The following ALPK2 variants were observed in gnomAD, a reference collection of about 807,000 sequenced individuals.
ALPK2 encodes the protein alpha kinase 2, also known as alpha-protein kinase 2.
A neutral mutation model predicts 163.1 loss-of-function variants in ALPK2; 127 were observed. That is an observed-to-expected ratio of 0.78 (90% confidence interval 0.67 to 0.90). The LOEUF is 0.90. ALPK2 is among the 40% of genes least tolerant of loss of function. The probability of loss-of-function intolerance (pLI) is 0.00; values close to 1 mark genes in which losing one functional copy is unlikely to be tolerated. For missense variants in ALPK2, 2,360 were observed against 2,589.6 expected (o/e 0.91, Z 1.92); for synonymous variants, 953 against 959.1 (o/e 0.99, Z 0.12).
rs1555673981 is a variant in ALPK2 at position 58,578,736 on chromosome 18, A to ACACACGCGCGCGCGCGCGCGCGTGCACG, written c.1962+77_1962+78insCGTGCACGCGCGCGCGCGCGCGCGTGTG. ...GTGAATGTGAAGTAAAGGAAGAGAC[A>ACACACGCGCGCGCGCGCGCGCGTGCACG]CACACACACACACACACACACACAC... On this transcript the variant is annotated intron_variant, in intron 4 of 12. Transcript: ENST00000361673. The ACACACGCGCGCGCGCGCGCGCGTGCACG allele has an allele frequency of 6.8e-4, 517 of 760,818 alleles. 5 individuals carry two copies. The African/African-American group carries it at 8.6e-3, about 13-fold the overall frequency. The allele number at this position is 760,818 out of a possible 1,614,324, so 47.1% of individuals were successfully genotyped here.
At chr18:58,595,673 T>C (rs1012497183) in intron 3 of ALPK2, among the ~76,000 whole-genome samples, 1 of 152,102 alleles carries the variant, frequency 6.6e-6, no homozygotes, top group African/African-American at 2.4e-5. Context: ...AAAACAGAAT[T>C]TTTTAGGGGT....
chr18:58,621,463 G>C (rs1217175933), intron 1 of ALPK2, among the ~76,000 whole-genome samples: 3 of 152,064 alleles, frequency 2.0e-5, no homozygotes, highest in Non-Finnish European at 4.4e-5. Flanking sequence ...AGTAGAGACA[G>C]GGTTTCACTG....
chr18:58,488,473 T>G, intron 12 of ALPK2, among the ~76,000 whole-genome samples: 1 of 134,194 alleles, frequency 7.5e-6, no homozygotes. Context: ...TGCTGGACAA[T>G]GTATTGGCTC....
intron 6 of ALPK2, chr18:58,528,795 T>C (rs1385049621): frequency 8.2e-6 from 3 of 367,486 alleles, no homozygotes; most frequent in Non-Finnish European, 5.1e-6. Flanking sequence ...AACCTCAGAC[T>C]AGAATATCAT....
chr18:58,519,810 G>A (rs2051540240), intron 8 of ALPK2, among the ~76,000 whole-genome samples: 1 of 152,176 alleles, frequency 6.6e-6, no homozygotes, highest in South Asian at 2.1e-4. Flanking sequence ...GCAGAAATCT[G>A]AAAGGACAGC....
At chr18:58,524,611 CTG>C (rs2051574453) in intron 6 of ALPK2, among the ~76,000 whole-genome samples, 1 of 152,154 alleles carries the variant, frequency 6.6e-6, no homozygotes, top group African/African-American at 2.4e-5. Flanking sequence ...AAAACTAAAA[CTG>C]GTGGTGGTGG....
At chr18:58,538,884 G>A (rs1419112382) in intron 4 of ALPK2, among the ~76,000 whole-genome samples, 1 of 151,870 alleles carries the variant, frequency 6.6e-6, no homozygotes, top group Non-Finnish European at 1.5e-5. Context: ...AAAGAGTCTG[G>A]CACCATCCCC....
chr18:58,591,507 G>T (rs1046830466), intron 3 of ALPK2, among the ~76,000 whole-genome samples: 1 of 152,156 alleles, frequency 6.6e-6, no homozygotes, highest in Non-Finnish European at 1.5e-5. Flanking sequence ...ATTAACAAGC[G>T]TGCCAGTTAT....
At chr18:58,498,869 T>G (rs1427481511) in intron 11 of ALPK2, among the ~76,000 whole-genome samples, 1 of 152,232 alleles carries the variant, frequency 6.6e-6, no homozygotes, top group African/African-American at 2.4e-5. Flanking sequence ...TCTTTTTCTT[T>G]GTAAATTACC....
rs550690847 is a variant in ALPK2 at position 58,613,782 on chromosome 18, C to T, written c.-20-1965G>A. ...CGGCACCCTTCTGGGCTCAGGGCCC[C>T]GTGTGAAGACACAGATCTTGGCCCA... On this transcript the variant is annotated intron_variant, in intron 1 of 12. Coordinates refer to ENST00000361673, the MANE Select transcript of ALPK2 (RefSeq NM_052947.4). 4.6e-5 allele frequency among the ~76,000 whole-genome samples: 7 copies of T among 151,566 alleles called. No homozygotes were observed. The East Asian group carries it at 7.7e-4, about 17-fold the overall frequency.
chr18:58,507,931 G>C (rs1568069397), intron 10 of ALPK2, among the ~76,000 whole-genome samples: 1 of 152,256 alleles, frequency 6.6e-6, no homozygotes, highest in South Asian at 2.1e-4. Flanking sequence ...TATGGCTCAG[G>C]TGTCATGCAG....
At chr18:58,614,142 A>T (rs1417957835) in intron 1 of ALPK2, among the ~76,000 whole-genome samples, 3 of 152,210 alleles carry the variant, frequency 2.0e-5, no homozygotes, top group African/African-American at 7.2e-5. Context: ...TGATGGGTGG[A>T]AAGAGCCGTA....
chr18:58,550,645 CCCAT>C (rs1568082682), intron 4 of ALPK2, among the ~76,000 whole-genome samples: 1 of 151,940 alleles, frequency 6.6e-6, no homozygotes, highest in Non-Finnish European at 1.5e-5. Flanking sequence ...CACGTACAAC[CCCAT>C]CCCCGTCTCC....
At chr18:58,598,344 T>C (rs2052051436) in intron 3 of ALPK2, among the ~76,000 whole-genome samples, 1 of 152,180 alleles carries the variant, frequency 6.6e-6, no homozygotes, top group African/African-American at 2.4e-5. Context: ...AATGGGAGCA[T>C]GTGCTTGGGA....
chr18:58,553,318 C>T (rs548896862), intron 4 of ALPK2, among the ~76,000 whole-genome samples: 31 of 152,168 alleles, frequency 2.0e-4, no homozygotes, highest in South Asian at 1.7e-3. Flanking sequence ...GAAGACACTG[C>T]GGAATTAGAA....
chr18:58,527,554 C>A (rs188250161), intron 6 of ALPK2, among the ~76,000 whole-genome samples: 1 of 152,308 alleles, frequency 6.6e-6, no homozygotes, highest in East Asian at 1.9e-4. Context: ...CGCAAATATT[C>A]AAGTGGTAAT....
At chr18:58,621,011 C>T (rs1398343154) in intron 1 of ALPK2, among the ~76,000 whole-genome samples, 5 of 151,914 alleles carry the variant, frequency 3.3e-5, no homozygotes, top group African/African-American at 1.2e-4. Flanking sequence ...CAAAAATTAG[C>T]CGGGTGTGTC....
intron 12 of ALPK2, among the ~76,000 whole-genome samples, chr18:58,485,618 C>T (rs151005900): frequency 4.6e-4 from 70 of 152,358 alleles, no homozygotes; most frequent in African/African-American, 1.6e-3. Context: ...AGTGGGAAAT[C>T]GTCTACTGCT....
At chr18:58,567,294 G>A (rs1339313536) in intron 4 of ALPK2, among the ~76,000 whole-genome samples, 1 of 151,970 alleles carries the variant, frequency 6.6e-6, no homozygotes, top group Non-Finnish European at 1.5e-5. Flanking sequence ...TGAGACAAGA[G>A]AATCGCTTGA....
Sources: gnomAD v4.1 joint callset for allele counts (sites outside exome capture counted in the v4.1 genomes callset) on GRCh38, gnomAD v4.1.1 for gene constraint, MANE v1.5 for transcripts, NCBI Gene and HGNC (gene_info 2026-07-23, HGNC 2026-07-21) for gene names.